CHSY3: variants seen among roughly 807,000 people sequenced by gnomAD.
The protein encoded by CHSY3 is chondroitin sulfate synthase 3.
Under a neutral mutation model 67.2 loss-of-function variants are expected in CHSY3, and 35 were observed. The observed-to-expected ratio is 0.52, with a 90% CI of 0.40 to 0.69. The LOEUF is 0.69. Ranked by LOEUF, CHSY3 falls within the 30% of genes least tolerant of loss-of-function variation. The probability of loss-of-function intolerance (pLI) is 0.00; values close to 1 mark genes in which losing one functional copy is unlikely to be tolerated. For synonymous variants in CHSY3, 474 were observed against 434.7 expected (o/e 1.09, Z -1.12); for missense variants, 1,069 against 1,138.5 (o/e 0.94, Z 0.88).
chr5:129,979,484 TC>T (rs1160606128), intron 2 of CHSY3, among the ~76,000 whole-genome samples: 1 of 152,160 alleles, frequency 6.6e-6, no homozygotes, highest in Admixed American at 6.5e-5. Flanking sequence ...AACAGTTTTT[TC>T]TTCACAGCAG....
intron 2 of CHSY3, among the ~76,000 whole-genome samples, chr5:130,168,178 T>G (rs1037118904): frequency 1.3e-5 from 2 of 152,178 alleles, no homozygotes; most frequent in Non-Finnish European, 1.5e-5. Flanking sequence ...CTACCTTGTT[T>G]CCATGCAGCT....
intron 2 of CHSY3, among the ~76,000 whole-genome samples, chr5:130,073,187 G>T (rs62391436): frequency 6.6e-6 from 1 of 151,954 alleles, no homozygotes; most frequent in East Asian, 1.9e-4. Context: ...ATTGGATGAT[G>T]TATATGTTAA....
chr5:130,053,487 T>C (rs138608608), intron 2 of CHSY3, among the ~76,000 whole-genome samples: 10 of 152,274 alleles, frequency 6.6e-5, no homozygotes, highest in African/African-American at 2.2e-4. Flanking sequence ...TTCCTCATGT[T>C]TCTGATTCTC....
intron 2 of CHSY3, among the ~76,000 whole-genome samples, chr5:129,950,037 G>A (rs1026605864): frequency 3.3e-5 from 5 of 151,808 alleles, no homozygotes; most frequent in African/African-American, 1.2e-4. Context: ...GGTGGCAGGC[G>A]CCTGTAGTCT....
At chr5:130,111,132 C>T (rs989703965) in intron 2 of CHSY3, among the ~76,000 whole-genome samples, 1 of 152,060 alleles carries the variant, frequency 6.6e-6, no homozygotes, top group African/African-American at 2.4e-5. Flanking sequence ...AGCTCAAATC[C>T]TATTTGCCAG....
chr5:130,046,238 G>A (rs889124765), intron 2 of CHSY3, among the ~76,000 whole-genome samples: 2 of 152,036 alleles, frequency 1.3e-5, no homozygotes, highest in Non-Finnish European at 2.9e-5. Context: ...AAGCCATGTA[G>A]CATACAAATG....
chr5:129,963,273 T>C (rs1762385459), intron 2 of CHSY3, among the ~76,000 whole-genome samples: 1 of 152,034 alleles, frequency 6.6e-6, no homozygotes, highest in Admixed American at 6.6e-5. Context: ...ACTATTTTCA[T>C]CTACTACCTT....
chr5:129,925,938 C>A (rs1761094261), intron 2 of CHSY3, among the ~76,000 whole-genome samples: 1 of 151,964 alleles, frequency 6.6e-6, no homozygotes, highest in South Asian at 2.1e-4. Flanking sequence ...AAGCATTTAT[C>A]ACTGCATGAG....
chr5:129,965,920 A>T (rs562277229), intron 2 of CHSY3, among the ~76,000 whole-genome samples: 2 of 151,982 alleles, frequency 1.3e-5, no homozygotes, highest in South Asian at 4.1e-4. Context: ...AAGTTGTTAC[A>T]TGAGGAGTAG....
chr5:129,915,414 G>A (rs1760700940), intron 2 of CHSY3, among the ~76,000 whole-genome samples: 2 of 152,122 alleles, frequency 1.3e-5, no homozygotes, highest in Admixed American at 1.3e-4. Context: ...TGTGTTTAAA[G>A]ATACTCTGTC....
intron 2 of CHSY3, among the ~76,000 whole-genome samples, chr5:130,018,033 T>A (rs969410965): frequency 2.6e-5 from 4 of 152,210 alleles, no homozygotes; most frequent in Non-Finnish European, 5.9e-5. Flanking sequence ...ATCTTGCTAC[T>A]GAAGAGAATC....
chr5:130,077,878 GTT>G (rs1421867093), intron 2 of CHSY3, among the ~76,000 whole-genome samples: 1 of 151,348 alleles, frequency 6.6e-6, no homozygotes, highest in Non-Finnish European at 1.5e-5. Flanking sequence ...TTGAAAAAAA[GTT>G]TTATTTTATA....
At chr5:129,955,695 T>G (rs1273381505) in intron 2 of CHSY3, among the ~76,000 whole-genome samples, 1 of 152,134 alleles carries the variant, frequency 6.6e-6, no homozygotes, top group African/African-American at 2.4e-5. Context: ...CCTCCCACTC[T>G]TCACTCTCCA....
chr5:130,020,449 ATATATATATATATTTTTTT>A (rs1447674995), intron 2 of CHSY3, among the ~76,000 whole-genome samples: 1,231 of 13,352 alleles, frequency 0.092, 44 homozygotes, highest in African/African-American at 0.22. Flanking sequence ...ATATATATAT[ATATATATATATATTTTTTT>A]TTTTTTTTTT....
chr5:130,102,267 C>T (rs62393173), intron 2 of CHSY3, among the ~76,000 whole-genome samples: 8,307 of 152,042 alleles, frequency 0.055, 329 homozygotes, highest in Non-Finnish European at 0.078. Flanking sequence ...AGCAACAAGA[C>T]AAATAATCAC....
intron 2 of CHSY3, among the ~76,000 whole-genome samples, chr5:130,056,112 CTG>C (rs1362166020): frequency 1.3e-5 from 2 of 152,166 alleles, no homozygotes; most frequent in East Asian, 3.9e-4. Context: ...AAACCTCAAA[CTG>C]TACTTTCTTT....
chr5:130,091,911 C>T (rs1035359143), intron 2 of CHSY3, among the ~76,000 whole-genome samples: 2 of 152,080 alleles, frequency 1.3e-5, no homozygotes, highest in Non-Finnish European at 2.9e-5. Context: ...TGGTGAAGAT[C>T]CCTGTTTTGC....
chr5:130,141,236 T>C, intron 2 of CHSY3: 1 of 493,390 alleles, frequency 2.0e-6, no homozygotes. Context: ...GTATTGAAAC[T>C]GCTGGTAGAG....
chr5:129,912,983 C>T (rs1011862734), intron 2 of CHSY3, among the ~76,000 whole-genome samples: 6 of 152,190 alleles, frequency 3.9e-5, no homozygotes, highest in African/African-American at 1.4e-4. Context: ...ATTCTATTCA[C>T]TCTGCAAGTG....
Sources: gnomAD v4.1 joint callset for allele counts (sites outside exome capture counted in the v4.1 genomes callset) on GRCh38, gnomAD v4.1.1 for gene constraint, MANE v1.5 for transcripts, NCBI Gene and HGNC (gene_info 2026-07-23, HGNC 2026-07-21) for gene names.